Variants in RSPH3 observed in about 807,000 individuals in gnomAD.
RSPH3 encodes the protein radial spoke head protein 3 homolog.
A neutral mutation model predicts 43.8 loss-of-function variants in RSPH3; 21 were observed. The ratio of observed to expected loss-of-function variants is 0.48; its 90% CI spans 0.34 to 0.69. RSPH3 has a LOEUF of 0.69. Among genes scored for constraint, RSPH3 ranks in the 30% least tolerant of loss-of-function variants. The pLI is 0.01. For synonymous variants in RSPH3, 173 were observed against 179.8 expected, an observed-to-expected ratio of 0.96 and a Z score of 0.30; for missense variants, 487 against 516.0, an observed-to-expected ratio of 0.94 and a Z score of 0.54.
chr6:158,987,697 A>C (rs1778279790), intron 2 of RSPH3, among the ~76,000 whole-genome samples: 1 of 152,218 alleles, frequency 6.6e-6, no homozygotes, highest in Non-Finnish European at 1.5e-5. Flanking sequence ...AGAGATGACA[A>C]CTTATCTTAG....
rs79949716 is a variant in RSPH3 at position 158,974,249 on chromosome 6, G to A, written c.*3289C>T. 6.6e-6 allele frequency: 1 copy of A among 152,186 alleles called. No homozygotes were observed. Among genetic ancestry groups the A allele is most frequent in the African/African-American group, 2.4e-5 (1 of 41,438 alleles). The allele number at this position is 152,186 out of a possible 1,614,324, so 9.4% of individuals were successfully genotyped here. The stretch of plus-strand genomic sequence containing the variant: ...CAAATGTGTGAAAAAGTCAAGTACT[G>A]TTTATACTCCAAAAAGTATTTGGAG... On this transcript the variant is annotated 3_prime_UTR_variant, in exon 8 of 8. Transcript: ENST00000367069.
Position 158,982,632 on chromosome 6 carries a change from T to C in RSPH3, c.549A>G (p.Thr183=). 1.2e-6 allele frequency: 2 copies of C among 1,614,030 alleles called. No individual in the cohort carries two copies. Among genetic ancestry groups the C allele is most frequent in the Non-Finnish European group, 8.5e-7 (1 of 1,179,964 alleles). Residue 183 remains threonine (T), a synonymous_variant, in exon 5 of 8, where the codon ACA becomes ACG. Coordinates refer to ENST00000367069, the MANE Select transcript of RSPH3 (RefSeq NM_031924.8). ...KPVLEVLVGK[T]IEQSLLEVME... ...TTACTTCCAGAAGAGACTGCTCAAT[T>C]GTCTTCCCCACCAAAACTTCTAACA...
chr6:158,964,151 G>A, the RSPH3 span, among the ~76,000 whole-genome samples: 1 of 152,116 alleles, frequency 6.6e-6, no homozygotes, highest in Non-Finnish European at 1.5e-5. Flanking sequence ...TGGACAATTA[G>A]GGGAAAAAAT....
At position 158,973,599 on chromosome 6, in the gene RSPH3, C is replaced by T. The variant is rs915655639; in HGVS notation, c.*3939G>A. On this transcript the variant is annotated 3_prime_UTR_variant, in exon 8 of 8. Transcript: ENST00000367069. ...AGCTTTGAGAAAGGCAAACCCCCTT[C>T]TCCATGGTGAAGACTACATGCTTGC... 10 of 152,212 alleles carry T rather than the reference C, an allele frequency of 6.6e-5. No homozygotes were observed. The highest frequency in any genetic ancestry group is 2.4e-4 in the African/African-American group (10 of 41,454). The allele number at this position is 152,212 out of a possible 1,614,324, so 9.4% of individuals were successfully genotyped here.
At chr6:158,985,443 T>C (rs540507546) in intron 3 of RSPH3, among the ~76,000 whole-genome samples, 15 of 152,162 alleles carry the variant, frequency 9.9e-5, no homozygotes, top group Non-Finnish European at 1.9e-4. Context: ...AGAGAGAATT[T>C]GGTCACAAAA....
chr6:158,967,914 G>T (rs532425152), downstream of RSPH3, among the ~76,000 whole-genome samples: 17 of 152,164 alleles, frequency 1.1e-4, no homozygotes, highest in African/African-American at 4.1e-4. Context: ...GTTACTGTTT[G>T]CATGCCATAT....
At chr6:158,994,666 A>AAATC (rs1023448044) in intron 1 of RSPH3, among the ~76,000 whole-genome samples, 1 of 152,140 alleles carries the variant, frequency 6.6e-6, no homozygotes, top group African/African-American at 2.4e-5. Flanking sequence ...ATAAATAAAT[A>AAATC]AATAAGAAAT....
At chr6:158,992,224 G>C (rs2064758479) in intron 2 of RSPH3, among the ~76,000 whole-genome samples, 1 of 147,118 alleles carries the variant, frequency 6.8e-6, no homozygotes, top group East Asian at 2.4e-4. Flanking sequence ...CCCTGCCTCA[G>C]ACTCCGATTC....
intron 2 of RSPH3, among the ~76,000 whole-genome samples, chr6:158,991,279 G>T (rs1260902574): frequency 6.6e-6 from 1 of 152,076 alleles, no homozygotes; most frequent in Non-Finnish European, 1.5e-5. Context: ...AATGATTTTT[G>T]TTTGTATCCT....
At chr6:158,969,904 T>C (rs1168560966), downstream of RSPH3, among the ~76,000 whole-genome samples, 1 of 152,220 alleles carries the variant, frequency 6.6e-6, no homozygotes, top group Non-Finnish European at 1.5e-5. Context: ...GTGAGACATC[T>C]TTCTCATACT....
chr6:158,999,483 C>A lies in RSPH3; in HGVS notation c.68G>T (p.Arg23Leu). The A allele has an allele frequency of 6.5e-7, 1 of 1,527,830 alleles. No homozygotes were observed. Among genetic ancestry groups the A allele is most frequent in the Non-Finnish European group, 8.8e-7 (1 of 1,137,596 alleles). The allele number at this position is 1,527,830 out of a possible 1,614,324, so 94.6% of individuals were successfully genotyped here. The change falls in exon 1 of 8, where the codon CGA becomes CTA. Residue 23 changes from arginine to leucine, a missense_variant. Physicochemically the swap from Arg to Leu is moderately radical, Grantham distance 102 (BLOSUM62 -2). Transcript: ENST00000367069. Reference sequence around the variant, plus strand: ...ACGGCTGCGCTGGCAGGGCAGTGCTCGGGGCCGGCTGGTGTAGGTGTAGGT... The same window carrying A: ...ACGGCTGCGCTGGCAGGGCAGTGCTAGGGGCCGGCTGGTGTAGGTGTAGGT... ...PSTYTYTSRPRALPCQRSRYR... is the reference protein window; with the variant it reads ...PSTYTYTSRPLALPCQRSRYR...
At chr6:158,998,326 G>A (rs1356078014) in intron 1 of RSPH3, among the ~76,000 whole-genome samples, 2 of 146,522 alleles carry the variant, frequency 1.4e-5, no homozygotes, top group Non-Finnish European at 3.0e-5. Flanking sequence ...AAAAAGAGCC[G>A]GGCGTGGTGG....
intron 2 of RSPH3, among the ~76,000 whole-genome samples, chr6:158,993,629 T>TCC (rs1403232347): frequency 1.3e-5 from 2 of 152,036 alleles, no homozygotes; most frequent in Non-Finnish European, 2.9e-5. Context: ...AAACAATAAC[T>TCC]CCCTCCCTGG....
At chr6:158,992,050 G>GTTTTTTT (rs1214613827) in intron 2 of RSPH3, among the ~76,000 whole-genome samples, 5 of 113,814 alleles carry the variant, frequency 4.4e-5, no homozygotes, top group African/African-American at 6.5e-5. Flanking sequence ...AATGAGCACT[G>GTTTTTTT]TTTTTTTTTT....
rs55999313 is a variant in RSPH3, at chr6:158,984,434, TTATATATATATA to T, written c.347-639_347-628del. Among the ~76,000 whole-genome samples the T allele has an allele frequency of 8.2e-4, 52 of 63,650 alleles. 1 individual carries two copies. The highest frequency in any genetic ancestry group is 4.0e-3 in the East Asian group (7 of 1,736). 41.8% of individuals were successfully genotyped at this position (63,650 alleles called of 152,430 possible). A position where few individuals can be genotyped will look rare whatever the true frequency, so the allele number is the denominator to read the frequency against. On this transcript the variant is annotated intron_variant, in intron 3 of 7. Transcript: ENST00000367069. The stretch of plus-strand genomic sequence containing the variant: ...AGTACAACAGTGGATAAAAAGTCAA[TTATATATATATA>T]TATATATATATATATATATATATAT...
downstream of RSPH3, among the ~76,000 whole-genome samples, chr6:158,968,254 A>G (rs767462807): frequency 2.0e-5 from 3 of 151,510 alleles, no homozygotes; most frequent in Admixed American, 6.6e-5. Context: ...TATTTTTTTG[A>G]GATGGAGTCT....
rs926547579 is a variant in RSPH3 at position 158,973,026 on chromosome 6, C to G, written c.*4512G>C. The G allele has an allele frequency of 6.6e-6, 1 of 152,132 alleles. No individual in the cohort carries two copies. Among genetic ancestry groups the G allele is most frequent in the Non-Finnish European group, 1.5e-5 (1 of 68,024 alleles). 9.4% of individuals were successfully genotyped at this position (152,132 alleles called of 1,614,324 possible). A position where few individuals can be genotyped will look rare whatever the true frequency, so the allele number is the denominator to read the frequency against. Reference sequence around the variant, plus strand: ...CCACTTATAACACTCTTTTTTGGGTCTCTGACTGTGAACAAGATTGTGGAA... The same window carrying G: ...CCACTTATAACACTCTTTTTTGGGTGTCTGACTGTGAACAAGATTGTGGAA... On this transcript the variant is annotated 3_prime_UTR_variant, in exon 8 of 8. Transcript: ENST00000367069.
At chr6:158,970,268 G>A (rs1344887869), downstream of RSPH3, among the ~76,000 whole-genome samples, 1 of 152,174 alleles carries the variant, frequency 6.6e-6, no homozygotes, top group Non-Finnish European at 1.5e-5. Context: ...TGAAGTCTCT[G>A]CTTAGTTAGC....
Position 158,984,433 on chromosome 6 carries a change from A to ATT in RSPH3, c.347-628_347-627dup, listed in dbSNP as rs1455408567. ...GAGTACAACAGTGGATAAAAAGTCA[A>ATT]TTATATATATATATATATATATATA... On this transcript the variant is annotated intron_variant, in intron 3 of 7. Coordinates refer to ENST00000367069, the MANE Select transcript of RSPH3 (RefSeq NM_031924.8). Among the ~76,000 whole-genome samples the ATT allele has an allele frequency of 5.7e-3, 277 of 48,474 alleles. 19 individuals carry two copies. Among genetic ancestry groups the ATT allele is most frequent in the East Asian group, 0.02 (25 of 1,280 alleles). The allele number at this position is 48,474 out of a possible 152,430, so 31.8% of individuals were successfully genotyped here. A position where few individuals can be genotyped will look rare whatever the true frequency, so the allele number is the denominator to read the frequency against.
Sources: allele counts gnomAD v4.1 joint callset (sites outside exome capture counted in the v4.1 genomes callset), GRCh38; gene constraint gnomAD v4.1.1; transcripts MANE v1.5; gene names NCBI Gene and HGNC (gene_info 2026-07-23, HGNC 2026-07-21).